GRB10: variants seen among roughly 807,000 people sequenced by gnomAD.
GRB10 encodes the protein growth factor receptor bound protein 10, also known as growth factor receptor-bound protein 10.
A neutral mutation model predicts 80.9 loss-of-function variants in GRB10; 20 were observed. That is an observed-to-expected ratio of 0.25 (90% CI 0.17 to 0.36). The LOEUF is 0.36. Among genes scored for constraint, GRB10 ranks in the 10% least tolerant of loss-of-function variants. The probability of loss-of-function intolerance (pLI) is 1.00; values close to 1 mark genes in which losing one functional copy is unlikely to be tolerated. For synonymous variants in GRB10, 291 were observed against 291.5 expected (o/e 1.00, Z 0.02); for missense variants, 548 against 747.7 (o/e 0.73, Z 3.12).
At chr7:50,735,492 T>C (rs866655031) in intron 3 of GRB10, among the ~76,000 whole-genome samples, 21 of 152,088 alleles carry the variant, frequency 1.4e-4, no homozygotes, top group African/African-American at 4.8e-4. Flanking sequence ...CTGGCTAAGA[T>C]TGAAAGGGGA....
At chr7:50,635,962 C>CTTTTTTTTTT (rs56411780) in intron 7 of GRB10, among the ~76,000 whole-genome samples, 1 of 70,998 alleles carries the variant, frequency 1.4e-5, no homozygotes, top group African/African-American at 6.6e-5. Flanking sequence ...TTTTCCTTTC[C>CTTTTTTTTTT]TTTTTTTTTT....
chr7:50,730,363 T>C (rs920999388), intron 4 of GRB10, among the ~76,000 whole-genome samples: 1 of 152,206 alleles, frequency 6.6e-6, no homozygotes, highest in East Asian at 1.9e-4. Flanking sequence ...TATTTGTATG[T>C]TGAAGGTTTT....
chr7:50,635,574 C>CAAAAAAA (rs59517493), intron 7 of GRB10, among the ~76,000 whole-genome samples: 3 of 151,578 alleles, frequency 2.0e-5, no homozygotes, highest in South Asian at 4.2e-4. Context: ...AACAAAAAAA[C>CAAAAAAA]CCACAAAGGA....
chr7:50,682,467 A>G (rs2061653416), intron 5 of GRB10, among the ~76,000 whole-genome samples: 1 of 152,230 alleles, frequency 6.6e-6, no homozygotes, highest in Non-Finnish European at 1.5e-5. Flanking sequence ...AGTGTGTGAA[A>G]AGGATTGGTA....
intron 2 of GRB10, among the ~76,000 whole-genome samples, chr7:50,768,688 T>C (rs894666507): frequency 2.0e-5 from 3 of 152,214 alleles, no homozygotes; most frequent in Non-Finnish European, 2.9e-5. Flanking sequence ...CGTAGAATGA[T>C]GATCTCAACA....
intron 7 of GRB10, among the ~76,000 whole-genome samples, chr7:50,655,265 TG>T (rs1018387230): frequency 1.3e-5 from 2 of 152,174 alleles, no homozygotes; most frequent in African/African-American, 4.8e-5. Context: ...GTGGCTCACC[TG>T]GGAAGAGTGT....
chr7:50,609,194 A>C (rs1255376332), intron 13 of GRB10, among the ~76,000 whole-genome samples: 1 of 152,234 alleles, frequency 6.6e-6, no homozygotes, highest in Non-Finnish European at 1.5e-5. Flanking sequence ...AATCACAGTA[A>C]ATATTTTGGT....
At chr7:50,673,749 G>A (rs2060603100) in intron 6 of GRB10, among the ~76,000 whole-genome samples, 1 of 152,094 alleles carries the variant, frequency 6.6e-6, no homozygotes, top group Non-Finnish European at 1.5e-5. Context: ...TCACACGCCT[G>A]TCCAGAACTC....
intron 7 of GRB10, among the ~76,000 whole-genome samples, chr7:50,645,945 T>C (rs1214111337): frequency 1.3e-5 from 2 of 152,124 alleles, no homozygotes; most frequent in Admixed American, 6.5e-5. Flanking sequence ...ATAAGTGACA[T>C]ACAGCCCTTG....
chr7:50,786,154 A>G (rs2078686260), upstream of GRB10, among the ~76,000 whole-genome samples: 1 of 152,182 alleles, frequency 6.6e-6, no homozygotes, highest in Admixed American at 6.5e-5. Flanking sequence ...AAAATCCAAC[A>G]GAAAAGTTAA....
chr7:50,697,779 G>C (rs1587029332), intron 5 of GRB10, among the ~76,000 whole-genome samples: 1 of 152,218 alleles, frequency 6.6e-6, no homozygotes, highest in African/African-American at 2.4e-5. Flanking sequence ...ATGGGAAAGG[G>C]AAGGCACTGA....
chr7:50,698,728 A>T (rs1200651197), intron 5 of GRB10, among the ~76,000 whole-genome samples: 1 of 152,268 alleles, frequency 6.6e-6, no homozygotes, highest in African/African-American at 2.4e-5. Flanking sequence ...CTGATAGTGC[A>T]AATCAATCCT....
At position 50,670,487 on chromosome 7, in the gene GRB10, A is replaced by G. The variant is rs139397135; in HGVS notation, c.363-624T>C. Among the ~76,000 whole-genome samples, 8 of 138,372 alleles carry G rather than the reference A, an allele frequency of 5.8e-5. No homozygotes were observed. In the East Asian group the frequency reaches 1.8e-3, roughly 31 times the overall value. 90.8% of individuals were successfully genotyped at this position (138,372 alleles called of 152,430 possible). A position where few individuals can be genotyped will look rare whatever the true frequency, so the allele number is the denominator to read the frequency against. Reference sequence around the variant, plus strand: ...TTACAAGTTGTCATTCTCAGACCCAAAGGGTATTGGGTATCAATTCTCTTC... The same window carrying G: ...TTACAAGTTGTCATTCTCAGACCCAGAGGGTATTGGGTATCAATTCTCTTC... On this transcript the variant is annotated intron_variant, in intron 6 of 18. Coordinates refer to ENST00000401949, the MANE Select transcript of GRB10 (RefSeq NM_001350814.2).
At chr7:50,678,002 T>C (rs577668896) in intron 5 of GRB10, among the ~76,000 whole-genome samples, 89 of 152,314 alleles carry the variant, frequency 5.8e-4, no homozygotes, top group African/African-American at 2.1e-3. Context: ...GAAAATAACA[T>C]GTTTTCATTC....
At chr7:50,697,826 C>T (rs2063644859) in intron 5 of GRB10, among the ~76,000 whole-genome samples, 1 of 152,188 alleles carries the variant, frequency 6.6e-6, no homozygotes, top group African/African-American at 2.4e-5. Flanking sequence ...ACCACCCCCA[C>T]CCCACCCCAG....
intron 3 of GRB10, 23 bp from the exon 4 acceptor site, chr7:50,732,391 G>C: frequency 7.4e-7 from 1 of 1,355,408 alleles, no homozygotes; most frequent in Non-Finnish European, 1.0e-6. Flanking sequence ...CAGACTGTGA[G>C]AAGCCAAGCC....
chr7:50,729,881 A>C, intron 4 of GRB10, among the ~76,000 whole-genome samples: 1 of 152,140 alleles, frequency 6.6e-6, no homozygotes, highest in East Asian at 1.9e-4. Context: ...CTGTCTGCCG[A>C]GCTCAAAGCT....
intron 13 of GRB10, among the ~76,000 whole-genome samples, chr7:50,607,622 T>C (rs1006959078): frequency 2.0e-5 from 3 of 152,226 alleles, no homozygotes; most frequent in African/African-American, 7.2e-5. Context: ...CTGTACACTA[T>C]AATTATCCCC....
rs1442581304 is a variant in GRB10, at chr7:50,730,798, C to G, written c.51+1474G>C. ...GGAAATGCCAGGAAGGGAAGGGAAG[C>G]TGACAGAACCTCTGTGGCCATTATC... On this transcript the variant is annotated intron_variant, in intron 4 of 18. Transcript: ENST00000401949. Among the ~76,000 whole-genome samples, 6 of 152,310 alleles carry G rather than the reference C, an allele frequency of 3.9e-5. No homozygotes were observed. The South Asian group carries it at 8.3e-4, about 21-fold the overall frequency.
Sources: gnomAD v4.1 joint callset for allele counts (sites outside exome capture counted in the v4.1 genomes callset) on GRCh38, gnomAD v4.1.1 for gene constraint, MANE v1.5 for transcripts, NCBI Gene and HGNC (gene_info 2026-07-23, HGNC 2026-07-21) for gene names.